LRRIQ1: variants seen among roughly 807,000 people sequenced by gnomAD.
The protein encoded by LRRIQ1 is leucine-rich repeat- and IQ domain-containing protein 1.
In LRRIQ1, 210 loss-of-function variants were observed where a neutral mutation model predicts 211.9. The observed-to-expected ratio is 0.99, with a 90% CI of 0.89 to 1.11. LRRIQ1 has a LOEUF of 1.11. Among genes scored for constraint, LRRIQ1 ranks in the 50% most tolerant of loss-of-function variants. The probability of loss-of-function intolerance (pLI) is 0.00; values close to 1 mark genes in which losing one functional copy is unlikely to be tolerated. For missense variants in LRRIQ1, 2,136 were observed against 1,939.5 expected, an observed-to-expected ratio of 1.10 and a Z score of -1.90; for synonymous variants, 699 against 650.1, an observed-to-expected ratio of 1.08 and a Z score of -1.14.
At chr12:85,240,097 A>C (rs1346879555) in intron 26 of LRRIQ1, among the ~76,000 whole-genome samples, 1 of 152,220 alleles carries the variant, frequency 6.6e-6, no homozygotes, top group African/African-American at 2.4e-5. Context: ...AATCAATTAT[A>C]GTTCATATTT....
intron 24 of LRRIQ1, among the ~76,000 whole-genome samples, chr12:85,193,446 G>A (rs1447753020): frequency 7.3e-6 from 1 of 137,346 alleles, no homozygotes; most frequent in African/African-American, 2.8e-5. Context: ...CCCTCAAAGG[G>A]AAGCCCATCA....
At chr12:85,078,250 G>A (rs1448653118) in intron 11 of LRRIQ1, among the ~76,000 whole-genome samples, 1 of 151,864 alleles carries the variant, frequency 6.6e-6, no homozygotes, top group African/African-American at 2.4e-5. Context: ...ATAATTATTG[G>A]GAAATAATAA....
chr12:85,040,892 A>AGAGAATT (rs578098658), intron 3 of LRRIQ1, among the ~76,000 whole-genome samples: 86 of 151,750 alleles, frequency 5.7e-4, no homozygotes, highest in Non-Finnish European at 1.1e-3. Context: ...AAACTAATCA[A>AGAGAATT]GAGAATTTTT....
At chr12:85,144,861 T>G (rs1889782456) in intron 19 of LRRIQ1, among the ~76,000 whole-genome samples, 1 of 151,710 alleles carries the variant, frequency 6.6e-6, no homozygotes, top group Non-Finnish European at 1.5e-5. Flanking sequence ...CTTTACCCCT[T>G]TTCCATTGCC....
intron 24 of LRRIQ1, among the ~76,000 whole-genome samples, chr12:85,173,635 GCA>G (rs1490342752): frequency 1.3e-5 from 2 of 150,080 alleles, no homozygotes; most frequent in South Asian, 2.1e-4. Flanking sequence ...ACACACACAC[GCA>G]CACACACATA....
downstream of LRRIQ1, among the ~76,000 whole-genome samples, chr12:85,246,282 T>C (rs1895714596): frequency 1.3e-5 from 2 of 151,042 alleles, no homozygotes; most frequent in South Asian, 4.1e-4. Context: ...AACTTTTTAG[T>C]TTTTAACATA....
intron 24 of LRRIQ1, among the ~76,000 whole-genome samples, chr12:85,215,767 C>G (rs1287558592): frequency 2.0e-5 from 3 of 152,022 alleles, no homozygotes; most frequent in African/African-American, 4.8e-5. Flanking sequence ...CTAATACATT[C>G]ATATAGTGAA....
At chr12:85,090,257 T>A (rs1207968556) in intron 11 of LRRIQ1, among the ~76,000 whole-genome samples, 18 of 152,140 alleles carry the variant, frequency 1.2e-4, no homozygotes, top group Admixed American at 1.2e-3. Flanking sequence ...AGAGCCCTCA[T>A]AGAGAACCTC....
intron 23 of LRRIQ1, among the ~76,000 whole-genome samples, chr12:85,156,709 G>T (rs1023841820): frequency 6.6e-6 from 1 of 151,598 alleles, no homozygotes; most frequent in African/African-American, 2.4e-5. Flanking sequence ...AATATACTTG[G>T]AGATACATAT....
intron 15 of LRRIQ1, among the ~76,000 whole-genome samples, chr12:85,111,042 G>C (rs1456711025): frequency 6.6e-6 from 1 of 151,994 alleles, no homozygotes; most frequent in Non-Finnish European, 1.5e-5. Context: ...TATAGGTTAG[G>C]CTTCATAAAA....
chr12:85,212,717 G>GTA (rs1333362007), intron 24 of LRRIQ1, among the ~76,000 whole-genome samples: 9 of 148,702 alleles, frequency 6.1e-5, no homozygotes, highest in African/African-American at 2.0e-4. Context: ...GTATATATAT[G>GTA]TATATATATG....
At chr12:85,130,710 T>C (rs1388567451) in intron 18 of LRRIQ1, among the ~76,000 whole-genome samples, 1 of 152,178 alleles carries the variant, frequency 6.6e-6, no homozygotes, top group Non-Finnish European at 1.5e-5. Context: ...AATTTTAGAC[T>C]GCCTAAACAT....
In LRRIQ1 at chr12:85,062,862, T is replaced by C. The variant is rs374458951; in HGVS notation, c.2392-2400T>C. On this transcript the variant is annotated intron_variant, in intron 8 of 26. Coordinates refer to ENST00000393217, the MANE Select transcript of LRRIQ1 (RefSeq NM_001079910.2). ...TTTTCTCTGTAACCTCACCAACATC[T>C]ATTATTTTTTGACTTTTTAGCAAAA... Among the ~76,000 whole-genome samples the C allele has an allele frequency of 2.5e-3, 387 of 151,978 alleles. 4 individuals are homozygous for C. The highest frequency in any genetic ancestry group is 9.1e-3 in the African/African-American group (379 of 41,516).
chr12:85,149,904 C>T (rs1890126493), intron 19 of LRRIQ1, among the ~76,000 whole-genome samples: 1 of 151,648 alleles, frequency 6.6e-6, no homozygotes, highest in Admixed American at 6.6e-5. Flanking sequence ...TCAAAGTTTT[C>T]TGTACTTTTA....
chr12:85,110,845 T>C (rs1041393823), intron 15 of LRRIQ1, among the ~76,000 whole-genome samples: 4 of 152,076 alleles, frequency 2.6e-5, no homozygotes, highest in Non-Finnish European at 4.4e-5. Flanking sequence ...GGAAATACCA[T>C]TGGAAGGAGA....
chr12:85,061,950 A>T (rs564056855), intron 8 of LRRIQ1, among the ~76,000 whole-genome samples: 5 of 151,912 alleles, frequency 3.3e-5, no homozygotes, highest in Admixed American at 3.3e-4. Flanking sequence ...CTTAAAATGG[A>T]GTGGTCTAAT....
chr12:85,160,551 G>T, intron 23 of LRRIQ1, 62 bp from the exon 24 acceptor site: 1 of 992,938 alleles, frequency 1.0e-6, no homozygotes, highest in South Asian at 1.4e-5. Flanking sequence ...GAAATATGTG[G>T]ACATTTAGAG....
chr12:85,260,260 T>C (rs1896246855), intron 1 of LRRIQ1, among the ~76,000 whole-genome samples: 1 of 151,816 alleles, frequency 6.6e-6, no homozygotes, highest in Non-Finnish European at 1.5e-5. Flanking sequence ...TTTGGTGAGC[T>C]GAGATTCAAT....
chr12:85,082,023 T>G lies in LRRIQ1; in HGVS notation c.2887+8925T>G, dbSNP rs115930847. On this transcript the variant is annotated intron_variant, in intron 11 of 26. Coordinates refer to ENST00000393217, the MANE Select transcript of LRRIQ1 (RefSeq NM_001079910.2). The stretch of plus-strand genomic sequence containing the variant: ...CAGGCATGAGCCACTGTGCAGGGCC[T>G]CTTCTTTTATTAAAACTTTGACTCA... Among the ~76,000 whole-genome samples, 429 of 152,188 alleles carry G rather than the reference T, an allele frequency of 2.8e-3. 1 individual carries two copies. Among genetic ancestry groups the G allele is most frequent in the African/African-American group, 9.8e-3 (407 of 41,558 alleles).
Sources: allele counts gnomAD v4.1 joint callset (sites outside exome capture counted in the v4.1 genomes callset), GRCh38; gene constraint gnomAD v4.1.1; transcripts MANE v1.5; gene names NCBI Gene and HGNC (gene_info 2026-07-23, HGNC 2026-07-21).